The following MARCHF1 variants were observed in gnomAD, a reference collection of about 807,000 sequenced individuals.
The protein encoded by MARCHF1 is membrane associated ring-CH-type finger 1.
Under a neutral mutation model 54.2 loss-of-function variants are expected in MARCHF1, and 40 were observed. That is an observed-to-expected ratio of 0.74 (90% CI 0.57 to 0.96). The LOEUF (loss-of-function observed/expected upper bound fraction) is 0.96, where lower values mean the gene tolerates loss of function less well. Ranked by LOEUF, MARCHF1 falls within the 40% of genes least tolerant of loss-of-function variation. The pLI, the probability that MARCHF1 is intolerant of heterozygous loss-of-function variation, is 0.00. For missense variants in MARCHF1, 586 were observed against 656.5 expected (o/e 0.89, Z 1.17); for synonymous variants, 236 against 236.3 (o/e 1.00, Z 0.01).
chr4:164,339,521 C>A (rs1729853469), intron 1 of MARCHF1, among the ~76,000 whole-genome samples: 2 of 151,344 alleles, frequency 1.3e-5, no homozygotes, highest in Non-Finnish European at 2.9e-5. Context: ...TGTCTTGAGG[C>A]AAAAAAAATT....
chr4:163,603,833 T>G (rs542691000), intron 7 of MARCHF1, among the ~76,000 whole-genome samples: 1 of 152,226 alleles, frequency 6.6e-6, no homozygotes, highest in East Asian at 1.9e-4. Context: ...CCTTCCTACC[T>G]TCTCTGTGGG....
chr4:163,964,858 T>C (rs1752411170), intron 3 of MARCHF1, among the ~76,000 whole-genome samples: 1 of 152,042 alleles, frequency 6.6e-6, no homozygotes, highest in South Asian at 2.1e-4. Flanking sequence ...TCTTTGAGCT[T>C]GTCCTGGATT....
In MARCHF1 at chr4:164,139,840, C is replaced by T. The variant is rs371971891; in HGVS notation, c.-322-28178G>A. ...ATAATGTTTAATACTGTTTATATCACGAACCATGTCAACCATTAGGAAAAT... is the reference window on the plus strand; with the variant it reads ...ATAATGTTTAATACTGTTTATATCATGAACCATGTCAACCATTAGGAAAAT... On this transcript the variant is annotated intron_variant, in intron 1 of 9. Coordinates refer to ENST00000514618, the MANE Select transcript of MARCHF1 (RefSeq NM_001394959.1). 7.2e-5 allele frequency among the ~76,000 whole-genome samples: 11 copies of T among 152,168 alleles called. 1 individual carries two copies. Among genetic ancestry groups the T allele is most frequent in the East Asian group, 1.9e-4 (1 of 5,182 alleles).
chr4:163,609,155 A>G (rs896482644), intron 7 of MARCHF1, among the ~76,000 whole-genome samples: 8 of 152,018 alleles, frequency 5.3e-5, no homozygotes, highest in African/African-American at 1.9e-4. Context: ...TTGAAAAACT[A>G]TACACGCCCA....
At chr4:164,040,346 T>C (rs1469779058) in intron 2 of MARCHF1, among the ~76,000 whole-genome samples, 1 of 115,900 alleles carries the variant, frequency 8.6e-6, no homozygotes, top group Non-Finnish European at 1.7e-5. Context: ...AATACTTATA[T>C]ACTTAGTTCT....
chr4:164,129,196 C>T (rs1756248762), intron 1 of MARCHF1, among the ~76,000 whole-genome samples: 2 of 152,130 alleles, frequency 1.3e-5, no homozygotes, highest in South Asian at 4.1e-4. Flanking sequence ...TGTGGCTTTT[C>T]TCCTGTTGTA....
intron 4 of MARCHF1, among the ~76,000 whole-genome samples, chr4:163,751,252 C>T (rs1201418411): frequency 1.3e-5 from 2 of 151,938 alleles, no homozygotes; most frequent in Non-Finnish European, 2.9e-5. Flanking sequence ...ATTATAGCCT[C>T]AAACTCCTGG....
chr4:163,992,169 C>G (rs1318150633), intron 2 of MARCHF1, among the ~76,000 whole-genome samples: 3 of 147,666 alleles, frequency 2.0e-5, no homozygotes, highest in Non-Finnish European at 4.5e-5. Context: ...ACCAAGTAAA[C>G]ATCTGCTAAC....
At chr4:163,681,134 T>C (rs1744089615) in intron 5 of MARCHF1, among the ~76,000 whole-genome samples, 1 of 152,074 alleles carries the variant, frequency 6.6e-6, no homozygotes, top group Non-Finnish European at 1.5e-5. Flanking sequence ...CGGTAAACAG[T>C]ATCTCCATAT....
intron 1 of MARCHF1, among the ~76,000 whole-genome samples, chr4:164,187,026 C>CTTT (rs55754853): frequency 2.7e-5 from 4 of 147,798 alleles, no homozygotes; most frequent in African/African-American, 2.5e-5. Flanking sequence ...CTGAAGCAAT[C>CTTT]TTTTTTTTTT....
At chr4:163,727,539 T>C (rs1228208335) in intron 4 of MARCHF1, among the ~76,000 whole-genome samples, 1 of 152,134 alleles carries the variant, frequency 6.6e-6, no homozygotes, top group Non-Finnish European at 1.5e-5. Context: ...TCTCCTGACC[T>C]TGTGATCTGC....
intron 3 of MARCHF1, among the ~76,000 whole-genome samples, chr4:163,883,412 G>A (rs1376544661): frequency 6.7e-6 from 1 of 149,570 alleles, no homozygotes; most frequent in Non-Finnish European, 1.5e-5. Context: ...AGCCATTTAG[G>A]GTTCTGAACT....
intron 2 of MARCHF1, among the ~76,000 whole-genome samples, chr4:164,007,806 A>G (rs983207987): frequency 2.0e-5 from 3 of 152,114 alleles, no homozygotes; most frequent in Admixed American, 6.6e-5. Context: ...AGCACGGCAC[A>G]AAAACTTATA....
chr4:164,099,078 G>A (rs1240169681), intron 2 of MARCHF1, among the ~76,000 whole-genome samples: 1 of 152,190 alleles, frequency 6.6e-6, no homozygotes, highest in Non-Finnish European at 1.5e-5. Context: ...TCATCAAAAT[G>A]TTTTGATTCA....
rs1304454611 is a variant in MARCHF1, at chr4:163,888,645, T to C, written c.-38-34476A>G. Among the ~76,000 whole-genome samples the C allele has an allele frequency of 3.3e-5, 5 of 152,292 alleles. 1 individual carries two copies. In the East Asian group the frequency reaches 9.6e-4, roughly 29 times the overall value. On this transcript the variant is annotated intron_variant, in intron 3 of 9. Coordinates refer to ENST00000514618, the MANE Select transcript of MARCHF1 (RefSeq NM_001394959.1). The stretch of plus-strand genomic sequence containing the variant: ...AGTGAGGTTTCCTATATCTGTTTAA[T>C]GAGGTTGGAGACTACTCCAGAGAAA...
chr4:164,040,622 C>A (rs1206841231), intron 2 of MARCHF1, among the ~76,000 whole-genome samples: 1 of 151,344 alleles, frequency 6.6e-6, no homozygotes, highest in African/African-American at 2.4e-5. Flanking sequence ...GGAAGGCATG[C>A]AGGATAAATA....
intron 1 of MARCHF1, among the ~76,000 whole-genome samples, chr4:164,129,554 T>G (rs998249409): frequency 2.0e-5 from 3 of 152,164 alleles, no homozygotes; most frequent in Non-Finnish European, 4.4e-5. Flanking sequence ...GAATTAATCA[T>G]TGAAGTATAT....
At chr4:164,306,038 C>T (rs1481388756) in intron 1 of MARCHF1, among the ~76,000 whole-genome samples, 1 of 151,896 alleles carries the variant, frequency 6.6e-6, no homozygotes, top group Non-Finnish European at 1.5e-5. Flanking sequence ...CTCACTAATG[C>T]ACATATGTCT....
chr4:163,710,836 G>T (rs191715116), intron 4 of MARCHF1, among the ~76,000 whole-genome samples: 13 of 152,186 alleles, frequency 8.5e-5, no homozygotes, highest in Non-Finnish European at 1.2e-4. Context: ...AGAAGGTGAT[G>T]ATTTTACTTC....
Sources: gnomAD v4.1 joint callset for allele counts (sites outside exome capture counted in the v4.1 genomes callset) on GRCh38, gnomAD v4.1.1 for gene constraint, MANE v1.5 for transcripts, NCBI Gene and HGNC (gene_info 2026-07-23, HGNC 2026-07-21) for gene names.